ADGRL2: variants seen among roughly 807,000 people sequenced by gnomAD.
ADGRL2 encodes the protein adhesion G protein-coupled receptor L2, also known as calcium-independent alpha-latrotoxin receptor 2.
In ADGRL2, 44 loss-of-function variants were observed where a neutral mutation model predicts 157.4. The ratio of observed to expected loss-of-function variants is 0.28; its 90% CI spans 0.22 to 0.36. The LOEUF is 0.36. Ranked by LOEUF, ADGRL2 falls within the 10% of genes least tolerant of loss-of-function variation. The pLI, the probability that ADGRL2 is intolerant of heterozygous loss-of-function variation, is 1.00. For missense variants in ADGRL2, 1,510 were observed against 1,768.9 expected (o/e 0.85, Z 2.63); for synonymous variants, 585 against 624.7 (o/e 0.94, Z 0.95).
At chr1:81,727,725 C>T (rs1570980036) in intron 1 of ADGRL2, among the ~76,000 whole-genome samples, 2 of 152,190 alleles carry the variant, frequency 1.3e-5, no homozygotes, top group East Asian at 3.9e-4. Flanking sequence ...GCCACCACGC[C>T]TGGCTGAAAA....
intron 2 of ADGRL2, among the ~76,000 whole-genome samples, chr1:81,768,240 G>T (rs1453307033): frequency 6.6e-6 from 1 of 151,906 alleles, no homozygotes. Flanking sequence ...GTAGACAGGG[G>T]TCTCACTATG....
At chr1:81,364,820 C>T (rs937288477) in intron 1 of ADGRL2, among the ~76,000 whole-genome samples, 6 of 151,922 alleles carry the variant, frequency 3.9e-5, no homozygotes, top group African/African-American at 4.8e-5. Flanking sequence ...CTGCCTCAGT[C>T]TCCTAGCGAA....
At chr1:81,840,140 A>G (rs1326499391) in intron 2 of ADGRL2, among the ~76,000 whole-genome samples, 1 of 151,856 alleles carries the variant, frequency 6.6e-6, no homozygotes, top group Non-Finnish European at 1.5e-5. Flanking sequence ...CCTTGAGAAC[A>G]TTCGACTTGA....
At chr1:81,621,316 C>A (rs1557513206) in intron 3 of ADGRL2, among the ~76,000 whole-genome samples, 2 of 152,156 alleles carry the variant, frequency 1.3e-5, no homozygotes, top group Admixed American at 6.5e-5. Flanking sequence ...AGTGTTACGA[C>A]CTCTCTCTGC....
chr1:81,952,850 A>G (rs773110989), intron 9 of ADGRL2, 137 bp from the exon 10 acceptor site: 9 of 662,856 alleles, frequency 1.4e-5, no homozygotes, highest in Non-Finnish European at 1.9e-5. Context: ...TAGTCAGTGC[A>G]GACTCAGACT....
intron 2 of ADGRL2, among the ~76,000 whole-genome samples, chr1:81,867,521 T>A (rs2093576441): frequency 6.6e-6 from 1 of 152,194 alleles, no homozygotes. Flanking sequence ...AGCTGATGAA[T>A]GAGTTTTATA....
intron 3 of ADGRL2, among the ~76,000 whole-genome samples, chr1:81,918,314 G>T (rs2094905796): frequency 6.6e-6 from 1 of 152,104 alleles, no homozygotes; most frequent in South Asian, 2.1e-4. Context: ...GAGATATGTG[G>T]GTAGTGGAAG....
intron 1 of ADGRL2, among the ~76,000 whole-genome samples, chr1:81,431,871 T>C (rs1215650499): frequency 6.6e-6 from 1 of 152,228 alleles, no homozygotes; most frequent in Non-Finnish European, 1.5e-5. Context: ...ATTTCTTGAA[T>C]GTTCATGAAG....
At chr1:81,934,685 A>C (rs1040301500) in intron 3 of ADGRL2, among the ~76,000 whole-genome samples, 1 of 152,004 alleles carries the variant, frequency 6.6e-6, no homozygotes, top group African/African-American at 2.4e-5. Context: ...GAGTTTACTC[A>C]CACTAGAAAT....
chr1:81,518,356 A>G (rs1162590382), intron 2 of ADGRL2, among the ~76,000 whole-genome samples: 1 of 152,198 alleles, frequency 6.6e-6, no homozygotes, highest in Non-Finnish European at 1.5e-5. Context: ...GAACACTCCA[A>G]ACCACAAAAT....
intron 1 of ADGRL2, among the ~76,000 whole-genome samples, chr1:81,329,410 T>C (rs1661124039): frequency 6.6e-6 from 1 of 152,082 alleles, no homozygotes; most frequent in Admixed American, 6.6e-5. Flanking sequence ...ATAGGAAAGC[T>C]GCTACACAGG....
chr1:81,945,186 A>G (rs531338093), intron 6 of ADGRL2, among the ~76,000 whole-genome samples: 1 of 152,174 alleles, frequency 6.6e-6, no homozygotes, highest in South Asian at 2.1e-4. Context: ...ATGAGGCAGC[A>G]GTTTGGTTTG....
chr1:81,394,487 T>C (rs2076618988), intron 1 of ADGRL2, among the ~76,000 whole-genome samples: 1 of 152,352 alleles, frequency 6.6e-6, no homozygotes, highest in South Asian at 2.1e-4. Flanking sequence ...ACTGGCTTAT[T>C]TGATTTAATG....
At chr1:81,689,295 GA>G (rs1385239360) in intron 3 of ADGRL2, among the ~76,000 whole-genome samples, 2 of 152,082 alleles carry the variant, frequency 1.3e-5, no homozygotes, top group African/African-American at 4.8e-5. Flanking sequence ...CATGCTAAAA[GA>G]ACACCCAAAA....
intron 3 of ADGRL2, among the ~76,000 whole-genome samples, chr1:81,634,299 C>A (rs2082072449): frequency 6.6e-6 from 1 of 152,150 alleles, no homozygotes; most frequent in Admixed American, 6.5e-5. Context: ...TCTTTATGGA[C>A]TGTGTTCCAC....
At chr1:81,874,391 A>G (rs1035570451) in intron 2 of ADGRL2, among the ~76,000 whole-genome samples, 1 of 152,212 alleles carries the variant, frequency 6.6e-6, no homozygotes, top group Non-Finnish European at 1.5e-5. Context: ...GTAACAGTCA[A>G]CATCTGATGG....
intron 1 of ADGRL2, among the ~76,000 whole-genome samples, chr1:81,758,728 A>G (rs182393915): frequency 6.6e-6 from 1 of 152,354 alleles, no homozygotes; most frequent in African/African-American, 2.4e-5. Context: ...GAATATGCCT[A>G]CACAAAGGAA....
chr1:81,861,828 A>AC (rs1210607078), intron 2 of ADGRL2, among the ~76,000 whole-genome samples: 1 of 152,086 alleles, frequency 6.6e-6, no homozygotes, highest in Admixed American at 6.6e-5. Flanking sequence ...GGCTGCAGTG[A>AC]ACTGAGATTG....
chr1:81,319,973 G>C (rs1660394302), intron 1 of ADGRL2, among the ~76,000 whole-genome samples: 1 of 152,104 alleles, frequency 6.6e-6, no homozygotes, highest in South Asian at 2.1e-4. Context: ...ACAATGTTGT[G>C]TGATAGCATT....
Sources: allele counts gnomAD v4.1 joint callset (sites outside exome capture counted in the v4.1 genomes callset), GRCh38; gene constraint gnomAD v4.1.1; transcripts MANE v1.5; gene names NCBI Gene and HGNC (gene_info 2026-07-23, HGNC 2026-07-21).